The following HSD11B1L variants were observed in gnomAD, a reference collection of about 807,000 sequenced individuals.
HSD11B1L encodes the protein hydroxysteroid 11-beta-dehydrogenase 1-like protein.
In HSD11B1L, 22 loss-of-function variants were observed where a neutral mutation model predicts 27.0. The ratio of observed to expected loss-of-function variants is 0.81; its 90% CI spans 0.58 to 1.16. HSD11B1L has a LOEUF of 1.16. HSD11B1L is among the 50% of genes most tolerant of loss of function. HSD11B1L has a pLI of 0.00. For synonymous variants in HSD11B1L, 187 were observed against 189.2 expected, an observed-to-expected ratio of 0.99 and a Z score of 0.09; for missense variants, 372 against 401.8, an observed-to-expected ratio of 0.93 and a Z score of 0.63.
chr19:5,688,463 A>T lies in HSD11B1L; in HGVS notation c.*518A>T, dbSNP rs1443736311. ...GTCTGAGCGGGAGGAGGAGGGAAAGAGTGTGTTCTGAGCTGGACCCAGCCT... is the reference window on the plus strand; with the variant it reads ...GTCTGAGCGGGAGGAGGAGGGAAAGTGTGTGTTCTGAGCTGGACCCAGCCT... On this transcript the variant is annotated 3_prime_UTR_variant, in exon 8 of 8. Coordinates refer to ENST00000339423, the MANE Select transcript of HSD11B1L (RefSeq NM_198706.3). 1 of 508,908 alleles carries T rather than the reference A, an allele frequency of 2.0e-6. No individual in the cohort carries two copies. The highest frequency in any genetic ancestry group is 1.9e-5 in the African/African-American group (1 of 51,722). The allele number at this position is 508,908 out of a possible 1,614,324, so 31.5% of individuals were successfully genotyped here. A position where few individuals can be genotyped will look rare whatever the true frequency, so the allele number is the denominator to read the frequency against.
chr19:5,687,719 A>G lies in HSD11B1L; in HGVS notation c.669-34A>G. The G allele has an allele frequency of 1.3e-6, 2 of 1,508,136 alleles. No individual in the cohort carries two copies. The highest frequency in any genetic ancestry group is 1.8e-6 in the Non-Finnish European group (2 of 1,132,206). The allele number at this position is 1,508,136 out of a possible 1,614,324, so 93.4% of individuals were successfully genotyped here. A position where few individuals can be genotyped will look rare whatever the true frequency, so the allele number is the denominator to read the frequency against. On this transcript the variant is annotated intron_variant, in intron 7 of 7. Transcript: ENST00000339423. The surrounding 1 kb of genome is among the most constrained non-coding windows in gnomAD (Gnocchi z 6.6). ...GGGCTGGGGGCCATGGCCCAGCCCC[A>G]GCCGCAGTCCCCACCGTGCCCTCCT...
In HSD11B1L at chr19:5,686,415, G is replaced by A; in HGVS notation, c.205-1G>A. On this transcript the variant is annotated splice_acceptor_variant, in intron 3 of 7. Transcript: ENST00000339423. LOFTEE classifies it high-confidence loss of function. ...CCACGGGCAGCTCTGGCCCCCCCCA[G>A]GTGGTAGGGAACTGCCGGAAGCTGG... 1 of 1,563,966 alleles carries A rather than the reference G, an allele frequency of 6.4e-7. No individual in the cohort carries two copies. Among genetic ancestry groups the A allele is most frequent in the African/African-American group, 1.3e-5 (1 of 74,450 alleles).
chr19:5,685,025 C>T lies in HSD11B1L; in HGVS notation c.110C>T (p.Ala37Val), dbSNP rs775398718. 1.3e-5 allele frequency: 21 copies of T among 1,582,022 alleles called. No homozygotes were observed. Among genetic ancestry groups the T allele is most frequent in the South Asian group, 5.7e-5 (5 of 88,206 alleles). Residue 37 changes from alanine (A) to valine (V), a missense_variant, in exon 3 of 8, where the codon GCC becomes GTC. Ala to Val is a moderately conservative substitution (Grantham distance 64). Transcript: ENST00000339423. The surrounding 1 kb of genome is among the most constrained non-coding windows in gnomAD (Gnocchi z 4.3). The stretch of plus-strand genomic sequence containing the variant: ...GGAGCGCGAGTGCTGCTGACAGGGG[C>T]CAACGCTGGTGTTGGTGAGGAGCTG... ...LQGARVLLTGANAGVGEELAY... is the reference protein window; with the variant it reads ...LQGARVLLTGVNAGVGEELAY...
intron 1 of HSD11B1L, among the ~76,000 whole-genome samples, chr19:5,683,609 G>A (rs940289511): frequency 6.6e-6 from 1 of 152,138 alleles, no homozygotes; most frequent in Non-Finnish European, 1.5e-5. Flanking sequence ...AATGGTCCTT[G>A]GGCTGGGCAC....
rs1411883210 is a variant in HSD11B1L at position 5,687,435 on chromosome 19, C to G, written c.502+60C>G. On this transcript the variant is annotated intron_variant, in intron 6 of 7. Coordinates refer to ENST00000339423, the MANE Select transcript of HSD11B1L (RefSeq NM_198706.3). The surrounding 1 kb of genome is among the most constrained non-coding windows in gnomAD (Gnocchi z 6.6). The stretch of plus-strand genomic sequence containing the variant: ...GAGTGGGGAGCTCGATGCGGGTGAG[C>G]CTGGAGGGTCTGGGCAGGCTTCCCG... The G allele has an allele frequency of 1.3e-5, 20 of 1,598,264 alleles. No individual in the cohort carries two copies. The highest frequency in any genetic ancestry group is 1.6e-5 in the Non-Finnish European group (19 of 1,176,306).
Position 5,684,796 on chromosome 19 carries a change from C to T in HSD11B1L, c.-14-23C>T, listed in dbSNP as rs772234669. The T allele has an allele frequency of 1.2e-5, 19 of 1,613,306 alleles. No individual in the cohort carries two copies. In the South Asian group the frequency reaches 2.1e-4, roughly 18 times the overall value. ...TGTGGGCCAGGCCTGTGCCGGCCACCTCTGTCCCCTGTCCCTCTGCAGGCC... is the reference window on the plus strand; with the variant it reads ...TGTGGGCCAGGCCTGTGCCGGCCACTTCTGTCCCCTGTCCCTCTGCAGGCC... On this transcript the variant is annotated intron_variant, in intron 1 of 7. Coordinates refer to ENST00000339423, the MANE Select transcript of HSD11B1L (RefSeq NM_198706.3).
intron 4 of HSD11B1L, 59 bp from the exon 5 acceptor site, chr19:5,686,841 G>A (rs2054705480): frequency 1.4e-6 from 2 of 1,383,294 alleles, no homozygotes; most frequent in Non-Finnish European, 2.0e-6. Flanking sequence ...GCTCGGGGGC[G>A]GGGTTTGATC....
At chr19:5,684,634 A>T in intron 1 of HSD11B1L, 185 bp from the exon 2 acceptor site, 1 of 763,584 alleles carries the variant, frequency 1.3e-6, no homozygotes, top group Non-Finnish European at 2.1e-6. Context: ...GGGAGGGTGC[A>T]GGTGCGGTGG....
chr19:5,681,045 G>A lies in HSD11B1L; in HGVS notation c.-241G>A, dbSNP rs1330783855. On this transcript the variant is annotated 5_prime_UTR_variant, in exon 1 of 8. Coordinates refer to ENST00000339423, the MANE Select transcript of HSD11B1L (RefSeq NM_198706.3). ...GGCCCCTGCTGGGAGGCGAAGACCA[G>A]GCGGGCACTGTTGCCCGGCGACGCT... The A allele has an allele frequency of 6.5e-6, 1 of 153,768 alleles. No homozygotes were observed. The highest frequency in any genetic ancestry group is 2.4e-5 in the African/African-American group (1 of 41,470). The allele number at this position is 153,768 out of a possible 1,614,324, so 9.5% of individuals were successfully genotyped here.
chr19:5,687,232 C>T lies in HSD11B1L; in HGVS notation c.409-50C>T, dbSNP rs750581425. 10 of 1,590,858 alleles carry T rather than the reference C, an allele frequency of 6.3e-6. No individual in the cohort carries two copies. The African/African-American group carries it at 1.4e-4, about 22-fold the overall frequency. On this transcript the variant is annotated intron_variant, in intron 5 of 7. Transcript: ENST00000339423. This position sits in a 1 kb window ranked among gnomAD's most constrained non-coding sequence, Gnocchi z 6.6. The stretch of plus-strand genomic sequence containing the variant: ...CCGCCCTCTGGGTTTCTGGCCCCGC[C>T]CTGCCCCTGGGCTCCGCCTCTGCCG...
chr19:5,685,238 C>T lies in HSD11B1L; in HGVS notation c.204+119C>T. ...GTGTGACCTTGGGCAAGTCGCCTAA[C>T]CTCTCTGAGCCTCTCAGTTTCCTCA... On this transcript the variant is annotated intron_variant, in intron 3 of 7. Coordinates refer to ENST00000339423, the MANE Select transcript of HSD11B1L (RefSeq NM_198706.3). The surrounding 1 kb of genome is among the most constrained non-coding windows in gnomAD (Gnocchi z 4.3). 1 of 1,260,858 alleles carries T rather than the reference C, an allele frequency of 7.9e-7. No individual in the cohort carries two copies. The highest frequency in any genetic ancestry group is 1.3e-5 in the South Asian group (1 of 78,304). 78.1% of individuals were successfully genotyped at this position (1,260,858 alleles called of 1,614,324 possible). A position where few individuals can be genotyped will look rare whatever the true frequency, so the allele number is the denominator to read the frequency against.
At position 5,685,095 on chromosome 19, in the gene HSD11B1L, C is replaced by T; in HGVS notation, c.180C>T (p.Ala60=). ...TGGGCTCCCACCTGGTGCTCACTGC[C>T]CACACTGAGGCTCTCCTGCAGAAGG... The part of the protein sequence containing the change: ...ARLGSHLVLT[A]HTEALLQKVV... Residue 60 remains alanine (A), a synonymous_variant, in exon 3 of 8, where the codon GCC becomes GCT. Transcript: ENST00000339423. This position sits in a 1 kb window ranked among gnomAD's most constrained non-coding sequence, Gnocchi z 4.3. The T allele has an allele frequency of 6.5e-7, 1 of 1,550,062 alleles. No individual in the cohort carries two copies. Among genetic ancestry groups the T allele is most frequent in the Non-Finnish European group, 8.7e-7 (1 of 1,147,334 alleles).
intron 1 of HSD11B1L, 35 bp downstream of exon 1, chr19:5,681,306 C>T (rs1568296175): frequency 6.6e-6 from 1 of 152,484 alleles, no homozygotes; most frequent in Non-Finnish European, 1.5e-5. Context: ...CAGAGGGTCA[C>T]ACGCCCGCTT....
rs1288344516 is a variant in HSD11B1L, at chr19:5,686,539, G to A, written c.316+12G>A. On this transcript the variant is annotated intron_variant, in intron 4 of 7. Coordinates refer to ENST00000339423, the MANE Select transcript of HSD11B1L (RefSeq NM_198706.3). Reference sequence around the variant, plus strand: ...GCTGGACAAGCTGGGTGAGGGGCTGGGCCTGAAGCCTGGAGTCCGGGACCG... The same window carrying A: ...GCTGGACAAGCTGGGTGAGGGGCTGAGCCTGAAGCCTGGAGTCCGGGACCG... The A allele has an allele frequency of 6.4e-7, 1 of 1,562,472 alleles. No homozygotes were observed. Among genetic ancestry groups the A allele is most frequent in the Non-Finnish European group, 8.7e-7 (1 of 1,152,558 alleles).
At position 5,685,213 on chromosome 19, in the gene HSD11B1L, G is replaced by A. The variant is rs1040033302; in HGVS notation, c.204+94G>A. ...ATCCCTGCAATGATCCAGGCTTCCC[G>A]TGTGACCTTGGGCAAGTCGCCTAAC... On this transcript the variant is annotated intron_variant, in intron 3 of 7. Coordinates refer to ENST00000339423, the MANE Select transcript of HSD11B1L (RefSeq NM_198706.3). This position sits in a 1 kb window ranked among gnomAD's most constrained non-coding sequence, Gnocchi z 4.3. The A allele has an allele frequency of 2.9e-5, 43 of 1,476,860 alleles. 1 individual carries two copies. Among genetic ancestry groups the A allele is most frequent in the Middle Eastern group, 1.7e-4 (1 of 5,902 alleles). The allele number at this position is 1,476,860 out of a possible 1,614,324, so 91.5% of individuals were successfully genotyped here. A position where few individuals can be genotyped will look rare whatever the true frequency, so the allele number is the denominator to read the frequency against.
chr19:5,685,260 C>T lies in HSD11B1L; in HGVS notation c.204+141C>T, dbSNP rs962429079. 1.7e-6 allele frequency: 2 copies of T among 1,157,806 alleles called. No individual in the cohort carries two copies. The highest frequency in any genetic ancestry group is 3.0e-5 in the African/African-American group (2 of 65,638). The allele number at this position is 1,157,806 out of a possible 1,614,324, so 71.7% of individuals were successfully genotyped here. On this transcript the variant is annotated intron_variant, in intron 3 of 7. Coordinates refer to ENST00000339423, the MANE Select transcript of HSD11B1L (RefSeq NM_198706.3). This position sits in a 1 kb window ranked among gnomAD's most constrained non-coding sequence, Gnocchi z 4.3. ...TAACCTCTCTGAGCCTCTCAGTTTC[C>T]TCATTTGCAAAACGGGGACAATAAA...
rs763958188 is a variant in HSD11B1L at position 5,687,396 on chromosome 19, C to G, written c.502+21C>G. 4 of 1,608,670 alleles carry G rather than the reference C, an allele frequency of 2.5e-6. No homozygotes were observed. Among genetic ancestry groups the G allele is most frequent in the Non-Finnish European group, 3.4e-6 (4 of 1,178,740 alleles). On this transcript the variant is annotated intron_variant, in intron 6 of 7. Coordinates refer to ENST00000339423, the MANE Select transcript of HSD11B1L (RefSeq NM_198706.3). This position sits in a 1 kb window ranked among gnomAD's most constrained non-coding sequence, Gnocchi z 6.6. Reference sequence around the variant, plus strand: ...GCTCGGTGCGTGCACCCGGCCCCGGCTCTGCGGGACGGGGAGTGGGGAGCT... The same window carrying G: ...GCTCGGTGCGTGCACCCGGCCCCGGGTCTGCGGGACGGGGAGTGGGGAGCT...
chr19:5,688,255 C>A lies in HSD11B1L; in HGVS notation c.*310C>A, dbSNP rs2145564482. On this transcript the variant is annotated 3_prime_UTR_variant, in exon 8 of 8. Transcript: ENST00000339423. ...CTAAGGCTCAGAGAGGCCACGCCAC[C>A]CTTGAGCCACCCATGGACCCCTCTC... 1 of 1,392,600 alleles carries A rather than the reference C, an allele frequency of 7.2e-7. No individual in the cohort carries two copies. The highest frequency in any genetic ancestry group is 9.7e-7 in the Non-Finnish European group (1 of 1,029,452). 86.3% of individuals were successfully genotyped at this position (1,392,600 alleles called of 1,614,324 possible).
intron 1 of HSD11B1L, among the ~76,000 whole-genome samples, chr19:5,681,920 G>C (rs1181948258): frequency 6.6e-6 from 1 of 152,174 alleles, no homozygotes; most frequent in East Asian, 1.9e-4. Flanking sequence ...TCCCCCTGCC[G>C]GGCTGCTGCA....
Sources: allele counts gnomAD v4.1 joint callset (sites outside exome capture counted in the v4.1 genomes callset), GRCh38; gene constraint gnomAD v4.1.1; non-coding constraint Gnocchi (gnomAD v3.1); transcripts MANE v1.5; gene names NCBI Gene and HGNC (gene_info 2026-07-23, HGNC 2026-07-21).